The following SPTAN1 variants were observed in gnomAD, a reference collection of about 807,000 sequenced individuals.
SPTAN1 encodes the protein spectrin alpha, non-erythrocytic 1, also known as spectrin alpha chain, non-erythrocytic 1.
In SPTAN1, 61 loss-of-function variants were observed where a neutral mutation model predicts 331.3. The ratio of observed to expected loss-of-function variants is 0.18; its 90% CI spans 0.15 to 0.23. SPTAN1 has a LOEUF of 0.23. Ranked by LOEUF, SPTAN1 falls within the 10% of genes least tolerant of loss-of-function variation. SPTAN1 has a pLI of 1.00. For synonymous variants in SPTAN1, 1,153 were observed against 1,173.9 expected, an observed-to-expected ratio of 0.98 and a Z score of 0.36; for missense variants, 2,043 against 3,147.9, an observed-to-expected ratio of 0.65 and a Z score of 8.40.
intron 19 of SPTAN1, among the ~76,000 whole-genome samples, chr9:128,586,815 TC>T (rs1852702899): frequency 3.4e-5 from 2 of 59,408 alleles, no homozygotes; most frequent in Non-Finnish European, 4.2e-5. Flanking sequence ...GTTGAATTTT[TC>T]CTTTTCTTTT....
rs148359051 is a variant in SPTAN1 at position 128,561,096 on chromosome 9, A to G, written c.-3-5642A>G. ...TCAATAAATAATATGTCGGCCAGGCACGGTGGTTCACGCCTGTAATCCCAG... is the reference window on the plus strand; with the variant it reads ...TCAATAAATAATATGTCGGCCAGGCGCGGTGGTTCACGCCTGTAATCCCAG... On this transcript the variant is annotated intron_variant, in intron 1 of 56. Coordinates refer to ENST00000372739, the MANE Select transcript of SPTAN1 (RefSeq NM_001130438.3). 2.5e-3 allele frequency among the ~76,000 whole-genome samples: 352 copies of G among 143,012 alleles called. 9 individuals are homozygous for G. In the East Asian group the frequency reaches 0.043, roughly 17 times the overall value. The allele number at this position is 143,012 out of a possible 152,430, so 93.8% of individuals were successfully genotyped here.
intron 39 of SPTAN1, 94 bp downstream of exon 39, chr9:128,612,340 G>A: frequency 6.6e-7 from 1 of 1,524,578 alleles, no homozygotes; most frequent in Non-Finnish European, 9.1e-7. Context: ...AAAAGGCAGG[G>A]CTCACCAGAC....
At chr9:128,609,049 C>G (rs944751994) in intron 35 of SPTAN1, 72 bp downstream of exon 35, 5 of 1,613,888 alleles carry the variant, frequency 3.1e-6, no homozygotes, top group Admixed American at 3.3e-5. Flanking sequence ...AGGCCCAGGC[C>G]TGTTCTGTCT....
intron 18 of SPTAN1, among the ~76,000 whole-genome samples, chr9:128,585,066 G>T (rs1294844651): frequency 6.7e-6 from 1 of 149,976 alleles, no homozygotes; most frequent in African/African-American, 2.5e-5. Context: ...CCAGGGTGGA[G>T]TGCAGTGGCG....
At chr9:128,619,712 G>A (rs541918337) in intron 44 of SPTAN1, among the ~76,000 whole-genome samples, 1 of 152,316 alleles carries the variant, frequency 6.6e-6, no homozygotes, top group East Asian at 1.9e-4. Flanking sequence ...ACATTCATGG[G>A]TACCAGAAGT....
chr9:128,607,656 C>T lies in SPTAN1; in HGVS notation c.4099C>T (p.Leu1367=), dbSNP rs1564278985. 1 of 1,614,068 alleles carries T rather than the reference C, an allele frequency of 6.2e-7. No homozygotes were observed. The highest frequency in any genetic ancestry group is 1.1e-5 in the South Asian group (1 of 91,070). Residue 1367 remains leucine (L), a synonymous_variant, in exon 32 of 57, where the codon CTA becomes TTA. Coordinates refer to ENST00000372739, the MANE Select transcript of SPTAN1 (RefSeq NM_001130438.3). Reference sequence around the variant, plus strand: ...ACGGGGGTTGGTGTCCTCAGATGAGCTAGCCAAGGATGTCACCGGAGCTGA... The same window carrying T: ...ACGGGGGTTGGTGTCCTCAGATGAGTTAGCCAAGGATGTCACCGGAGCTGA... ...GIRGLVSSDE[L]AKDVTGAEAL... is the part of the protein sequence containing the mutation.
chr9:128,618,552 C>T lies in SPTAN1; in HGVS notation c.5601-319C>T, dbSNP rs140253935. ...AGGCTGGAGTGCAGTGGCACAATCT[C>T]GGCTCACTGCAAGCTCTGCCTCCCA... On this transcript the variant is annotated intron_variant, in intron 43 of 56. Transcript: ENST00000372739. Among the ~76,000 whole-genome samples the T allele has an allele frequency of 0.013, 1,926 of 152,080 alleles. 15 individuals carry two copies. Among genetic ancestry groups the T allele is most frequent in the Non-Finnish European group, 0.018 (1,243 of 67,994 alleles).
rs759822213 is a variant in SPTAN1 at position 128,582,733 on chromosome 9, C to A, written c.1690C>A (p.Arg564Ser). ...RRNALHERAM[R>S]RRAQLADSFH... ...CAATGCCCTTCACGAGAGAGCCATG[C>A]GTCGCCGGGCCCAGCTAGCCGATTC... Residue 564 changes from arginine to serine, a missense_variant, in exon 14 of 57, where the codon CGT becomes AGT. Coordinates refer to ENST00000372739, the MANE Select transcript of SPTAN1 (RefSeq NM_001130438.3). The A allele has an allele frequency of 1.2e-6, 2 of 1,613,904 alleles. No homozygotes were observed. Among genetic ancestry groups the A allele is most frequent in the East Asian group, 2.2e-5 (1 of 44,872 alleles).
At chr9:128,616,803 G>A (rs891992218) in intron 41 of SPTAN1, among the ~76,000 whole-genome samples, 1 of 152,032 alleles carries the variant, frequency 6.6e-6, no homozygotes, top group South Asian at 2.1e-4. Flanking sequence ...ATGGTGGCAC[G>A]TGCCTGTAAT....
At chr9:128,570,326 ATATATTTT>A (rs1486734623) in intron 3 of SPTAN1, among the ~76,000 whole-genome samples, 38 of 43,126 alleles carry the variant, frequency 8.8e-4, no homozygotes, top group African/African-American at 2.9e-3. Flanking sequence ...ATATATATAT[ATATATTTT>A]TTTTTTTTTT....
At chr9:128,570,964 A>T (rs1266771706) in intron 3 of SPTAN1, among the ~76,000 whole-genome samples, 1 of 152,094 alleles carries the variant, frequency 6.6e-6, no homozygotes, top group Non-Finnish European at 1.5e-5. Context: ...CCTGGCCTAG[A>T]TAGCTTATTA....
intron 21 of SPTAN1, among the ~76,000 whole-genome samples, chr9:128,589,737 G>A (rs1446208277): frequency 1.3e-5 from 2 of 151,368 alleles, no homozygotes; most frequent in African/African-American, 2.4e-5. Context: ...CACCACGCCC[G>A]GCTAATTTTT....
intron 56 of SPTAN1, 118 bp downstream of exon 56, chr9:128,633,073 C>CAA: frequency 1.3e-6 from 2 of 1,591,324 alleles, no homozygotes; most frequent in East Asian, 2.2e-5. Context: ...ATTTACAAAT[C>CAA]AAACTCAGTA....
At chr9:128,589,642 C>CT (rs1853193887) in intron 21 of SPTAN1, among the ~76,000 whole-genome samples, 1 of 139,770 alleles carries the variant, frequency 7.2e-6, no homozygotes, top group Non-Finnish European at 1.5e-5. Context: ...GTGGCATGAT[C>CT]TCAGCTCACT....
At chr9:128,595,817 A>C (rs546120713) in intron 24 of SPTAN1, 1 of 152,036 alleles carries the variant, frequency 6.6e-6, no homozygotes, top group East Asian at 1.9e-4. Flanking sequence ...ACTTTTTGTG[A>C]CTGGCTTCTT....
At chr9:128,591,818 T>C (rs1853572824) in intron 22 of SPTAN1, among the ~76,000 whole-genome samples, 193 bp downstream of exon 22, 1 of 152,232 alleles carries the variant, frequency 6.6e-6, no homozygotes, top group Non-Finnish European at 1.5e-5. Flanking sequence ...TATATTGCTT[T>C]GTTTTTTTTC....
rs369615023 is a variant in SPTAN1, at chr9:128,617,773, C to T, written c.5478+13C>T. On this transcript the variant is annotated intron_variant, in intron 42 of 56. Transcript: ENST00000372739. ...GCCGGCTATTCAGGTAAGGAGGCCGCCTTCTGGCCAAGAGGGCAGAGGTGT... is the reference window on the plus strand; with the variant it reads ...GCCGGCTATTCAGGTAAGGAGGCCGTCTTCTGGCCAAGAGGGCAGAGGTGT... 88 of 1,613,588 alleles carry T rather than the reference C, an allele frequency of 5.5e-5. No homozygotes were observed. The highest frequency in any genetic ancestry group is 7.4e-5 in the Non-Finnish European group (87 of 1,179,942).
intron 27 of SPTAN1, among the ~76,000 whole-genome samples, chr9:128,602,463 C>T (rs141803274): frequency 3.4e-4 from 52 of 152,100 alleles, no homozygotes; most frequent in African/African-American, 1.1e-3. Flanking sequence ...CTGATCCACC[C>T]GCCTTGGCCT....
intron 45 of SPTAN1, among the ~76,000 whole-genome samples, chr9:128,623,622 ATTTTTT>A (rs777632874): frequency 1.7e-5 from 2 of 117,108 alleles, no homozygotes; most frequent in South Asian, 2.7e-4. Context: ...AACCTGGCTA[ATTTTTT>A]TTTTTTTTTT....
Sources: gnomAD v4.1 joint callset for allele counts (sites outside exome capture counted in the v4.1 genomes callset) on GRCh38, gnomAD v4.1.1 for gene constraint, MANE v1.5 for transcripts, NCBI Gene and HGNC (gene_info 2026-07-23, HGNC 2026-07-21) for gene names.